MDFIC2: variants seen among roughly 807,000 people sequenced by gnomAD.
MDFIC2 encodes myoD family inhibitor domain-containing protein 2.
chr3:70,274,088 TGTGCGCGC>T (rs1701999316), intron 2 of MDFIC2, among the ~76,000 whole-genome samples: 1 of 146,302 alleles, frequency 6.8e-6, no homozygotes, highest in South Asian at 2.2e-4. Flanking sequence ...TGTGTGTGTG[TGTGCGCGC>T]GCGCATGTGT....
chr3:70,284,084 G>T (rs555929244), intron 2 of MDFIC2, among the ~76,000 whole-genome samples: 1 of 152,136 alleles, frequency 6.6e-6, no homozygotes, highest in East Asian at 1.9e-4. Context: ...ACCTCAGTTG[G>T]ACTGGTTTTC....
chr3:70,203,991 C>A (rs555931387), intron 3 of MDFIC2, among the ~76,000 whole-genome samples: 1 of 152,280 alleles, frequency 6.6e-6, no homozygotes, highest in African/African-American at 2.4e-5. Flanking sequence ...AATGTTTCAG[C>A]ACACAGTGTG....
chr3:70,281,501 G>A (rs547062313), intron 2 of MDFIC2, among the ~76,000 whole-genome samples: 7 of 152,164 alleles, frequency 4.6e-5, no homozygotes, highest in Non-Finnish European at 7.3e-5. Context: ...TTTCCTTAAA[G>A]TCTCTTTAAT....
chr3:70,211,245 C>A (rs1391249355), intron 2 of MDFIC2, among the ~76,000 whole-genome samples: 1 of 147,204 alleles, frequency 6.8e-6, no homozygotes, highest in African/African-American at 2.5e-5. Flanking sequence ...TTTCCTTTTC[C>A]TTCCTTTCTG....
chr3:70,263,390 T>C (rs1701886359), intron 2 of MDFIC2, among the ~76,000 whole-genome samples: 1 of 152,200 alleles, frequency 6.6e-6, no homozygotes, highest in South Asian at 2.1e-4. Flanking sequence ...GGTAGGTCTA[T>C]AGGAATAATT....
chr3:70,242,037 T>C (rs2106642225), intron 2 of MDFIC2, among the ~76,000 whole-genome samples: 1 of 152,310 alleles, frequency 6.6e-6, no homozygotes. Context: ...CTACACTATC[T>C]TTGATGCCAG....
intron 2 of MDFIC2, among the ~76,000 whole-genome samples, chr3:70,238,252 T>A (rs552582038): frequency 2.0e-5 from 3 of 151,880 alleles, no homozygotes; most frequent in African/African-American, 7.3e-5. Flanking sequence ...TCTCCTTCTA[T>A]GTAAGGTGTA....
intron 2 of MDFIC2, among the ~76,000 whole-genome samples, chr3:70,266,284 A>G (rs1701916450): frequency 6.6e-6 from 1 of 151,264 alleles, no homozygotes; most frequent in African/African-American, 2.5e-5. Context: ...ATGTACTTCT[A>G]ATGTCAAATT....
chr3:70,237,346 T>C (rs2106638908), intron 2 of MDFIC2, among the ~76,000 whole-genome samples: 1 of 152,302 alleles, frequency 6.6e-6, no homozygotes, highest in South Asian at 2.1e-4. Context: ...GCTATGTTTA[T>C]TTCCCATCCC....
chr3:70,218,566 G>A (rs1461181133), intron 2 of MDFIC2, among the ~76,000 whole-genome samples: 1 of 152,062 alleles, frequency 6.6e-6, no homozygotes, highest in Non-Finnish European at 1.5e-5. Context: ...CTGCAGTAGT[G>A]GCCTGAGTAG....
At chr3:70,268,209 G>C (rs1233117594) in intron 2 of MDFIC2, among the ~76,000 whole-genome samples, 1 of 152,088 alleles carries the variant, frequency 6.6e-6, no homozygotes, top group Non-Finnish European at 1.5e-5. Context: ...GGTAGCTCAC[G>C]CCTGTCATCC....
At position 70,213,525 on chromosome 3, in the gene MDFIC2, C is replaced by T. The variant is rs555826175; in HGVS notation, c.89-6735G>A. On this transcript the variant is annotated intron_variant, in intron 2 of 3. Coordinates refer to ENST00000567252, the MANE Select transcript of MDFIC2 (RefSeq NM_001364677.1). ...CTTAGAATTTAGTACTGTAGTTATC[C>T]GTGGCTGAAATCAGACCAAGGCAGA... Among the ~76,000 whole-genome samples the T allele has an allele frequency of 6.7e-4, 102 of 152,092 alleles. 1 individual carries two copies. In the South Asian group the frequency reaches 0.019, roughly 28 times the overall value.
At chr3:70,244,594 ATGAAAC>A (rs570764790) in intron 2 of MDFIC2, among the ~76,000 whole-genome samples, 136 of 152,360 alleles carry the variant, frequency 8.9e-4, no homozygotes, top group African/African-American at 3.2e-3. Flanking sequence ...GGTGAATAAA[ATGAAAC>A]TGACACAAAC....
intron 2 of MDFIC2, among the ~76,000 whole-genome samples, chr3:70,218,984 C>T (rs1701438365): frequency 7.3e-6 from 1 of 137,904 alleles, no homozygotes; most frequent in Admixed American, 7.4e-5. Flanking sequence ...AGTGTTTGGG[C>T]CATTTCAAGA....
chr3:70,228,425 A>G (rs1559540092), intron 2 of MDFIC2, among the ~76,000 whole-genome samples: 1 of 149,246 alleles, frequency 6.7e-6, no homozygotes, highest in South Asian at 2.1e-4. Flanking sequence ...TTAGGCTGCC[A>G]AAAAAAAAAT....
intron 2 of MDFIC2, among the ~76,000 whole-genome samples, chr3:70,226,540 C>T (rs9842443): frequency 0.023 from 3,485 of 152,064 alleles, 107 homozygotes; most frequent in African/African-American, 0.078. Context: ...GAGTTCGAGA[C>T]CAGCCTTGCC....
chr3:70,197,072 G>A lies in MDFIC2; in HGVS notation c.424C>T (p.Arg142Trp), dbSNP rs1383792008. ...TTTTCATCCGAGGTGTGGTGATACCGGCGAGAGGGGCAGCACATTTTGGTA... is the reference window on the plus strand; with the variant it reads ...TTTTCATCCGAGGTGTGGTGATACCAGCGAGAGGGGCAGCACATTTTGGTA... ...VCTKMCCPSRRYHHTSDENHS... is the reference protein window; with the variant it reads ...VCTKMCCPSRWYHHTSDENHS... The change falls in exon 4 of 4, where the codon CGG (arginine) becomes TGG (tryptophan). Residue 142 changes from arginine (R) to tryptophan (W), a missense_variant. By Grantham distance (101) the Arg-to-Trp change is moderately radical. Transcript: ENST00000567252. 1 of 398,554 alleles carries A rather than the reference G, an allele frequency of 2.5e-6. No individual in the cohort carries two copies. Among genetic ancestry groups the A allele is most frequent in the East Asian group, 3.6e-5 (1 of 28,062 alleles). The allele number at this position is 398,554 out of a possible 1,614,324, so 24.7% of individuals were successfully genotyped here.
At chr3:70,240,767 C>T (rs1274134946) in intron 2 of MDFIC2, among the ~76,000 whole-genome samples, 2 of 152,066 alleles carry the variant, frequency 1.3e-5, no homozygotes, top group Non-Finnish European at 2.9e-5. Context: ...AAGCAAGCCA[C>T]AAGTCTGAGT....
At chr3:70,279,929 C>A (rs1464804809) in intron 2 of MDFIC2, among the ~76,000 whole-genome samples, 1 of 152,144 alleles carries the variant, frequency 6.6e-6, no homozygotes, top group Non-Finnish European at 1.5e-5. Flanking sequence ...TGCTTGAGAT[C>A]CTGTCTTTGC....
Sources: allele counts gnomAD v4.1 joint callset (sites outside exome capture counted in the v4.1 genomes callset), GRCh38; gene constraint gnomAD v4.1.1; transcripts MANE v1.5; gene names NCBI Gene and HGNC (gene_info 2026-07-23, HGNC 2026-07-21).